Variants in ZNF500 observed in about 807,000 individuals in gnomAD.
ZNF500 encodes the protein zinc finger protein 500.
ZNF500 carries 31 observed loss-of-function variants against 30.1 expected under a neutral mutation model. The ratio of observed to expected loss-of-function variants is 1.03; its 90% confidence interval spans 0.77 to 1.39. The LOEUF (loss-of-function observed/expected upper bound fraction) is 1.39, where lower values mean the gene tolerates loss of function less well. Ranked by LOEUF, ZNF500 falls within the 40% of genes most tolerant of loss-of-function variation. The pLI is 0.00. For synonymous variants in ZNF500, 392 were observed against 282.0 expected (o/e 1.39, Z -3.91); for missense variants, 817 against 657.8 (o/e 1.24, Z -2.65).
Position 4,765,867 on chromosome 16 carries a change from A to G in ZNF500, c.112T>C (p.Ser38Pro), listed in dbSNP as rs1171124519. 5 of 1,613,682 alleles carry G rather than the reference A, an allele frequency of 3.1e-6. No homozygotes were observed. The highest frequency in any genetic ancestry group is 4.2e-6 in the Non-Finnish European group (5 of 1,179,982). ...EEDFCLEEEP[S>P]VETEDPSPET... is the part of the protein sequence containing the mutation. Reference sequence around the variant, plus strand: ...GGGCTGGGGTCCTCCGTCTCCACGGAGGGCTCCTCTTCCAAGCAGAAGTCC... The same window carrying G: ...GGGCTGGGGTCCTCCGTCTCCACGGGGGGCTCCTCTTCCAAGCAGAAGTCC... The change falls in exon 2 of 6, where the codon TCC becomes CCC. Residue 38 changes from serine (S) to proline (P), a missense_variant. Coordinates refer to ENST00000219478, the MANE Select transcript of ZNF500 (RefSeq NM_021646.4).
In ZNF500 at chr16:4,750,614, G is replaced by C. The variant is rs1024649032; in HGVS notation, c.*1762C>G. 4 of 151,110 alleles carry C rather than the reference G, an allele frequency of 2.6e-5. No individual in the cohort carries two copies. The highest frequency in any genetic ancestry group is 7.3e-5 in the African/African-American group (3 of 40,960). The allele number at this position is 151,110 out of a possible 1,614,324, so 9.4% of individuals were successfully genotyped here. A position where few individuals can be genotyped will look rare whatever the true frequency, so the allele number is the denominator to read the frequency against. On this transcript the variant is annotated 3_prime_UTR_variant, in exon 6 of 6. Transcript: ENST00000219478. ...AGTGATTCTCTTGCCTCAGCTTCCC[G>C]AGTAGCTGGGACTACAGGCACGTGC... is the stretch of plus-strand genomic sequence containing the variant.
At chr16:4,762,098 G>A (rs1162203077) in intron 4 of ZNF500, among the ~76,000 whole-genome samples, 173 bp downstream of exon 4, 2 of 152,168 alleles carry the variant, frequency 1.3e-5, no homozygotes, top group Non-Finnish European at 2.9e-5. Flanking sequence ...CTTCCCAGGA[G>A]GCCAGGGGAA....
Position 4,751,918 on chromosome 16 carries a change from G to C in ZNF500, c.*458C>G. The C allele has an allele frequency of 7.2e-6, 2 of 276,712 alleles. No individual in the cohort carries two copies. Among genetic ancestry groups the C allele is most frequent in the Non-Finnish European group, 1.2e-5 (2 of 166,292 alleles). The allele number at this position is 276,712 out of a possible 1,614,324, so 17.1% of individuals were successfully genotyped here. A position where few individuals can be genotyped will look rare whatever the true frequency, so the allele number is the denominator to read the frequency against. ...GCAAGGCCCCGTCTCAAAAAAAAAA[G>C]GGGGGGGGAGCAGGTGGGGGGTACA... On this transcript the variant is annotated 3_prime_UTR_variant, in exon 6 of 6. Coordinates refer to ENST00000219478, the MANE Select transcript of ZNF500 (RefSeq NM_021646.4).
At chr16:4,765,529 A>G in intron 2 of ZNF500, 36 bp downstream of exon 2, 1 of 1,545,362 alleles carries the variant, frequency 6.5e-7, no homozygotes, top group Non-Finnish European at 8.7e-7. Context: ...GCAGGGCCCC[A>G]TTTCCTCACC....
chr16:4,764,584 A>T (rs190276809), intron 2 of ZNF500, among the ~76,000 whole-genome samples: 2 of 152,042 alleles, frequency 1.3e-5, no homozygotes, highest in East Asian at 3.9e-4. Context: ...GATCCAGACC[A>T]CCCTGGCTAA....
At chr16:4,762,212 G>T in intron 4 of ZNF500, 59 bp downstream of exon 4, 1 of 1,570,216 alleles carries the variant, frequency 6.4e-7, no homozygotes, top group South Asian at 1.2e-5. Flanking sequence ...AAGGAAGTGT[G>T]ACACACAGGA....
At chr16:4,757,437 C>G (rs2082147530) in intron 5 of ZNF500, among the ~76,000 whole-genome samples, 1 of 151,966 alleles carries the variant, frequency 6.6e-6, no homozygotes, top group Admixed American at 6.6e-5. Flanking sequence ...CTCAGCCTCT[C>G]AAGCAGCTGG....
intron 5 of ZNF500, chr16:4,758,260 T>C (rs1027614771): frequency 2.0e-5 from 3 of 152,060 alleles, no homozygotes; most frequent in Admixed American, 6.6e-5. Flanking sequence ...AGACCTTTTT[T>C]ACCATAGGCT....
Position 4,751,477 on chromosome 16 carries a change from C to A in ZNF500, c.*899G>T. 8.2e-7 allele frequency: 1 copy of A among 1,223,764 alleles called. No homozygotes were observed. The highest frequency in any genetic ancestry group is 1.1e-6 in the Non-Finnish European group (1 of 901,752). The allele number at this position is 1,223,764 out of a possible 1,614,324, so 75.8% of individuals were successfully genotyped here. On this transcript the variant is annotated 3_prime_UTR_variant, in exon 6 of 6. Coordinates refer to ENST00000219478, the MANE Select transcript of ZNF500 (RefSeq NM_021646.4). ...CCCGCCCCAGGTGTCTTCCGCCCTG[C>A]AGAGCAGCTATGGATCTGCAAAGGG...
At chr16:4,762,071 C>G (rs1474032640) in intron 4 of ZNF500, among the ~76,000 whole-genome samples, 200 bp downstream of exon 4, 4 of 152,126 alleles carry the variant, frequency 2.6e-5, no homozygotes, top group Non-Finnish European at 5.9e-5. Context: ...TAAATGGCCT[C>G]TGGAGAGAAG....
chr16:4,744,751 G>A (rs2081991760), downstream of ZNF500: 5 of 1,293,046 alleles, frequency 3.9e-6, no homozygotes, highest in African/African-American at 2.9e-5. Context: ...GGCGGGGGCA[G>A]TGGAGGAGCC....
chr16:4,752,446 G>C lies in ZNF500; in HGVS notation c.1373C>G (p.Thr458Ser), dbSNP rs1281151707. The C allele has an allele frequency of 2.6e-6, 4 of 1,540,530 alleles. No individual in the cohort carries two copies. Among genetic ancestry groups the C allele is most frequent in the Admixed American group, 2.0e-5 (1 of 50,982 alleles). Residue 458 changes from threonine (T) to serine (S), a missense_variant, in exon 6 of 6, where the codon ACC becomes AGC. By Grantham distance (58) the Thr-to-Ser change is moderately conservative (BLOSUM62 1). Coordinates refer to ENST00000219478, the MANE Select transcript of ZNF500 (RefSeq NM_021646.4). ...RGTDLHKHQR[T>S]HMGAGSLPTL... is the part of the protein sequence containing the mutation. ...CGGCAAGGAGCCTGCCCCCATGTGG[G>C]TCCGCTGGTGCTTGTGCAGGTCGGT...
intron 5 of ZNF500, among the ~76,000 whole-genome samples, chr16:4,757,250 C>T (rs1336372044): frequency 8.5e-5 from 13 of 152,104 alleles, no homozygotes; most frequent in Non-Finnish European, 1.9e-4. Context: ...GGAAGGGGAC[C>T]CGAACGGGTT....
chr16:4,752,046 A>C lies in ZNF500; in HGVS notation c.*330T>G, dbSNP rs1596493427. 3 of 1,269,200 alleles carry C rather than the reference A, an allele frequency of 2.4e-6. No homozygotes were observed. The highest frequency in any genetic ancestry group is 3.0e-6 in the Non-Finnish European group (3 of 1,005,336). 78.6% of individuals were successfully genotyped at this position (1,269,200 alleles called of 1,614,324 possible). ...ACTGGATGCTGGAGGCAGCTGATGG[A>C]CCCTCCCAGGCCCTTCAGGAGCCAG... is the stretch of plus-strand genomic sequence containing the variant. On this transcript the variant is annotated 3_prime_UTR_variant, in exon 6 of 6. Coordinates refer to ENST00000219478, the MANE Select transcript of ZNF500 (RefSeq NM_021646.4).
rs1415254539 is a variant in ZNF500 at position 4,752,134 on chromosome 16, C to T, written c.*242G>A. The stretch of plus-strand genomic sequence containing the variant: ...GAGTGTGTCTCTGTGGCTGAAGCCC[C>T]TGCTCTGTGTCACCTGTTCTGGCTG... On this transcript the variant is annotated 3_prime_UTR_variant, in exon 6 of 6. Transcript: ENST00000219478. The T allele has an allele frequency of 7.3e-7, 1 of 1,363,502 alleles. No homozygotes were observed. Among genetic ancestry groups the T allele is most frequent in the Non-Finnish European group, 9.4e-7 (1 of 1,064,002 alleles). The allele number at this position is 1,363,502 out of a possible 1,614,324, so 84.5% of individuals were successfully genotyped here.
chr16:4,761,614 G>C (rs542657531), intron 4 of ZNF500, among the ~76,000 whole-genome samples: 2 of 151,638 alleles, frequency 1.3e-5, no homozygotes, highest in Non-Finnish European at 1.5e-5. Context: ...GGGAGACTTA[G>C]GCAAGAGGAT....
chr16:4,757,564 T>TGCTGGGATTACAG (rs1222861502), intron 5 of ZNF500, among the ~76,000 whole-genome samples: 1 of 152,078 alleles, frequency 6.6e-6, no homozygotes, highest in African/African-American at 2.4e-5. Flanking sequence ...CCTCTCAAGG[T>TGCTGGGATTACAG]GCTGGGATTA....
intron 5 of ZNF500, chr16:4,753,314 T>A: frequency 1.8e-6 from 1 of 556,114 alleles, no homozygotes; most frequent in Non-Finnish European, 2.8e-6. Context: ...TAAACAAAAC[T>A]AGCTGGGCAT....
chr16:4,756,864 A>G (rs2082140357), intron 5 of ZNF500, among the ~76,000 whole-genome samples: 1 of 151,976 alleles, frequency 6.6e-6, no homozygotes, highest in South Asian at 2.1e-4. Context: ...GACCTGTGGT[A>G]CCAGCTACTC....
Sources: allele counts gnomAD v4.1 joint callset (sites outside exome capture counted in the v4.1 genomes callset), GRCh38; gene constraint gnomAD v4.1.1; transcripts MANE v1.5; gene names NCBI Gene and HGNC (gene_info 2026-07-23, HGNC 2026-07-21).